SDK1: variants seen among roughly 807,000 people sequenced by gnomAD.
The protein encoded by SDK1 is protein sidekick-1.
In SDK1, 157 loss-of-function variants were observed where a neutral mutation model predicts 245.5. That is an observed-to-expected ratio of 0.64 (90% confidence interval 0.56 to 0.73). The LOEUF is 0.73. Among genes scored for constraint, SDK1 ranks in the 30% least tolerant of loss-of-function variants. The probability of loss-of-function intolerance (pLI) is 0.00; values close to 1 mark genes in which losing one functional copy is unlikely to be tolerated. For synonymous variants in SDK1, 1,647 were observed against 1,278.5 expected (o/e 1.29, Z -6.15); for missense variants, 3,583 against 3,002.3 (o/e 1.19, Z -4.52).
intron 4 of SDK1, among the ~76,000 whole-genome samples, chr7:3,803,738 T>G (rs928437408): frequency 6.6e-6 from 1 of 150,770 alleles, no homozygotes; most frequent in Admixed American, 6.7e-5. Flanking sequence ...GCAACTGGTA[T>G]TTTCCTCTTT....
At chr7:3,328,517 T>C (rs1432510323) in intron 1 of SDK1, among the ~76,000 whole-genome samples, 5 of 152,164 alleles carry the variant, frequency 3.3e-5, no homozygotes, top group East Asian at 1.9e-4. Context: ...TATTTACTTA[T>C]ATATATAAAA....
rs62438363 is a variant in SDK1, at chr7:4,264,166, A to C, written c.6382-958A>C. 2.6e-3 allele frequency among the ~76,000 whole-genome samples: 281 copies of C among 109,138 alleles called. 7 individuals are homozygous for C. Among genetic ancestry groups the C allele is most frequent in the Admixed American group, 3.7e-3 (37 of 10,062 alleles). The allele number at this position is 109,138 out of a possible 152,430, so 71.6% of individuals were successfully genotyped here. A position where few individuals can be genotyped will look rare whatever the true frequency, so the allele number is the denominator to read the frequency against. ...TCCTGAGTGAGGGTGGCCGCGTAGA[A>C]CTCTCCTGAGTGGGGGAGGCCGCGT... On this transcript the variant is annotated intron_variant, in intron 44 of 44. Coordinates refer to ENST00000404826, the MANE Select transcript of SDK1 (RefSeq NM_152744.4).
chr7:3,951,741 A>T lies in SDK1; in HGVS notation c.971A>T (p.Asp324Val). 6.2e-7 allele frequency: 1 copy of T among 1,613,250 alleles called. No homozygotes were observed. Among genetic ancestry groups the T allele is most frequent in the Non-Finnish European group, 8.5e-7 (1 of 1,179,966 alleles). The change falls in exon 7 of 45, where the codon GAC becomes GTC. Residue 324 changes from aspartate (D) to valine (V), a missense_variant. Asp to Val is a radical substitution (Grantham distance 152). Coordinates refer to ENST00000404826, the MANE Select transcript of SDK1 (RefSeq NM_152744.4). ...TTTCATTCCCACAGGCCTGTGGAGG[A>T]CCTGAGTGTGACCTGGAAGAGGAAT... is the stretch of plus-strand genomic sequence containing the variant. Reference protein sequence around the residue: ...ECIASARPVEDLSVTWKRNGV... With the variant: ...ECIASARPVEVLSVTWKRNGV...
At chr7:3,757,998 G>T (rs1410357913) in intron 4 of SDK1, among the ~76,000 whole-genome samples, 1 of 152,120 alleles carries the variant, frequency 6.6e-6, no homozygotes, top group African/African-American at 2.4e-5. Flanking sequence ...TAGTAGCTCT[G>T]TGCCAGGAAC....
intron 28 of SDK1, among the ~76,000 whole-genome samples, chr7:4,143,699 G>A (rs1458451415): frequency 2.6e-5 from 4 of 152,204 alleles, no homozygotes; most frequent in African/African-American, 4.8e-5. Context: ...GGGACCTGGC[G>A]AGGGGATGCT....
intron 16 of SDK1, among the ~76,000 whole-genome samples, chr7:4,014,251 G>A (rs536890408): frequency 1.3e-5 from 2 of 152,330 alleles, no homozygotes; most frequent in South Asian, 2.1e-4. Context: ...CTGATGTTAC[G>A]AGGCCACTTC....
In SDK1 at chr7:4,177,408, C is replaced by T. The variant is rs149536084; in HGVS notation, c.4997-1077C>T. Among the ~76,000 whole-genome samples, 112 of 152,322 alleles carry T rather than the reference C, an allele frequency of 7.4e-4. 1 individual carries two copies. In the East Asian group the frequency reaches 0.019, roughly 26 times the overall value. On this transcript the variant is annotated intron_variant, in intron 34 of 44. Transcript: ENST00000404826. ...ATTATTCTCACCCTGTCACTTAGTG[C>T]GGAGCTGGTGCTTGGCCCCCTGCCC...
chr7:3,626,474 T>C (rs915529280), intron 2 of SDK1, among the ~76,000 whole-genome samples: 1 of 152,260 alleles, frequency 6.6e-6, no homozygotes, highest in African/African-American at 2.4e-5. Flanking sequence ...CCTGCCCATT[T>C]TAGGTATGCA....
chr7:3,417,104 G>GT (rs1406007105), intron 1 of SDK1, among the ~76,000 whole-genome samples: 1 of 152,322 alleles, frequency 6.6e-6, no homozygotes, highest in East Asian at 1.9e-4. Flanking sequence ...AACCCAGGAG[G>GT]TGGAGGTTGC....
intron 44 of SDK1, among the ~76,000 whole-genome samples, chr7:4,248,658 A>G (rs1787076400): frequency 6.6e-6 from 1 of 152,110 alleles, no homozygotes; most frequent in Non-Finnish European, 1.5e-5. Context: ...GTGCACATGT[A>G]CAAATAACTA....
In SDK1 at chr7:4,179,769, G is replaced by A. The variant is rs575552273; in HGVS notation, c.5098+1183G>A. On this transcript the variant is annotated intron_variant, in intron 35 of 44. Coordinates refer to ENST00000404826, the MANE Select transcript of SDK1 (RefSeq NM_152744.4). Reference sequence around the variant, plus strand: ...GGTGCCAGGGTGCCGTCAGTAAAGGGTGGGTGCCACTGCGGACGGCGGCCA... The same window carrying A: ...GGTGCCAGGGTGCCGTCAGTAAAGGATGGGTGCCACTGCGGACGGCGGCCA... Among the ~76,000 whole-genome samples, 13 of 152,142 alleles carry A rather than the reference G, an allele frequency of 8.5e-5. 1 individual carries two copies. Among genetic ancestry groups the A allele is most frequent in the Non-Finnish European group, 1.3e-4 (9 of 67,994 alleles).
At chr7:3,564,650 G>A (rs1269669516) in intron 1 of SDK1, among the ~76,000 whole-genome samples, 1 of 152,018 alleles carries the variant, frequency 6.6e-6, no homozygotes. Context: ...AATATAAAAT[G>A]TAAAAATTAT....
At chr7:3,584,455 G>A (rs573401995) in intron 1 of SDK1, among the ~76,000 whole-genome samples, 7 of 152,126 alleles carry the variant, frequency 4.6e-5, no homozygotes, top group Admixed American at 6.5e-5. Flanking sequence ...GCTGCAAACA[G>A]GGTTGCTAAG....
At chr7:3,666,802 C>T (rs1433054920) in intron 4 of SDK1, among the ~76,000 whole-genome samples, 6 of 152,094 alleles carry the variant, frequency 3.9e-5, no homozygotes, top group Non-Finnish European at 7.4e-5. Flanking sequence ...GTGGTGAGAT[C>T]AGGTGGTCCA....
At chr7:4,263,289 C>T (rs890510770) in intron 44 of SDK1, among the ~76,000 whole-genome samples, 1 of 149,644 alleles carries the variant, frequency 6.7e-6, no homozygotes, top group South Asian at 2.1e-4. Flanking sequence ...CCCAGATCTT[C>T]CCCACCCCTG....
chr7:4,059,255 A>G (rs147227429), intron 19 of SDK1, among the ~76,000 whole-genome samples: 313 of 152,350 alleles, frequency 2.1e-3, no homozygotes, highest in Non-Finnish European at 3.6e-3. Context: ...AGAGATGGAA[A>G]AAGAGATTTT....
intron 30 of SDK1, among the ~76,000 whole-genome samples, chr7:4,155,879 C>T (rs936584230): frequency 6.6e-6 from 1 of 152,080 alleles, no homozygotes; most frequent in Non-Finnish European, 1.5e-5. Flanking sequence ...GACAGATAGT[C>T]GTCAAGGAAA....
chr7:3,774,787 C>T (rs1780503071), intron 4 of SDK1, among the ~76,000 whole-genome samples: 1 of 152,176 alleles, frequency 6.6e-6, no homozygotes, highest in Non-Finnish European at 1.5e-5. Context: ...CTGAATGTTA[C>T]TCTTTGTCCA....
intron 1 of SDK1, among the ~76,000 whole-genome samples, chr7:3,322,005 TA>T (rs1562412994): frequency 7.6e-6 from 1 of 132,392 alleles, no homozygotes; most frequent in Non-Finnish European, 1.6e-5. Flanking sequence ...AGCTTCTTTC[TA>T]AAGTTTTTTT....
Sources: allele counts gnomAD v4.1 joint callset (sites outside exome capture counted in the v4.1 genomes callset), GRCh38; gene constraint gnomAD v4.1.1; transcripts MANE v1.5; gene names NCBI Gene and HGNC (gene_info 2026-07-23, HGNC 2026-07-21).